PAMR1: variants seen among roughly 807,000 people sequenced by gnomAD.
PAMR1 encodes inactive serine protease PAMR1.
PAMR1 carries 88 observed loss-of-function variants against 81.8 expected under a neutral mutation model. The ratio of observed to expected loss-of-function variants is 1.08; its 90% CI spans 0.91 to 1.28. The LOEUF is 1.28. Ranked by LOEUF, PAMR1 falls within the 50% of genes most tolerant of loss-of-function variation. The pLI is 0.00. For synonymous variants in PAMR1, 336 were observed against 345.3 expected (o/e 0.97, Z 0.30); for missense variants, 935 against 919.7 (o/e 1.02, Z -0.21).
At chr11:35,520,357 C>G (rs1329839514) in intron 1 of PAMR1, among the ~76,000 whole-genome samples, 1 of 152,180 alleles carries the variant, frequency 6.6e-6, no homozygotes, top group Admixed American at 6.5e-5. Flanking sequence ...CAATTCTCTG[C>G]CTTCCTTGAG....
intron 2 of PAMR1, among the ~76,000 whole-genome samples, chr11:35,493,309 A>G (rs1850663697): frequency 6.6e-6 from 1 of 152,182 alleles, no homozygotes; most frequent in African/African-American, 2.4e-5. Context: ...AAATATCTTC[A>G]GTATATAGCC....
chr11:35,458,354 T>C (rs909968621), intron 6 of PAMR1, among the ~76,000 whole-genome samples: 4 of 152,218 alleles, frequency 2.6e-5, no homozygotes, highest in African/African-American at 9.6e-5. Context: ...AATTATTTTA[T>C]TTTACTTTAA....
chr11:35,439,255 G>T (rs1008089278), intron 8 of PAMR1, among the ~76,000 whole-genome samples: 1 of 152,168 alleles, frequency 6.6e-6, no homozygotes, highest in African/African-American at 2.4e-5. Context: ...CTAAATTATA[G>T]CTGACTGTGT....
chr11:35,514,089 C>G (rs1279279585), intron 1 of PAMR1, among the ~76,000 whole-genome samples: 1 of 152,216 alleles, frequency 6.6e-6, no homozygotes, highest in Non-Finnish European at 1.5e-5. Context: ...TCTGCCCCTC[C>G]TTTATGCTGC....
intron 1 of PAMR1, among the ~76,000 whole-genome samples, chr11:35,519,148 G>C (rs558296231): frequency 6.6e-6 from 1 of 152,268 alleles, no homozygotes; most frequent in East Asian, 1.9e-4. Flanking sequence ...AGCCAAGGGG[G>C]CCACTTCTTT....
At chr11:35,490,486 C>CT (rs1392178850) in intron 3 of PAMR1, among the ~76,000 whole-genome samples, 4 of 152,204 alleles carry the variant, frequency 2.6e-5, no homozygotes, top group Non-Finnish European at 5.9e-5. Flanking sequence ...CTATCTCAAA[C>CT]TATTATTGAA....
At chr11:35,464,185 C>T (rs114212150) in intron 6 of PAMR1, among the ~76,000 whole-genome samples, 114 of 152,248 alleles carry the variant, frequency 7.5e-4, no homozygotes, top group African/African-American at 2.7e-3. Flanking sequence ...CATTGCAGTG[C>T]TCTTCATAAT....
intron 1 of PAMR1, among the ~76,000 whole-genome samples, chr11:35,495,963 C>A (rs1850721013): frequency 6.6e-6 from 1 of 152,158 alleles, no homozygotes; most frequent in South Asian, 2.1e-4. Flanking sequence ...AAGATCCTTA[C>A]ATTGGTGTTT....
intron 6 of PAMR1, among the ~76,000 whole-genome samples, chr11:35,450,845 C>A (rs1856402035): frequency 6.6e-6 from 1 of 152,156 alleles, no homozygotes; most frequent in South Asian, 2.1e-4. Context: ...TAGAAGAGAG[C>A]CCTATTCTTC....
chr11:35,529,737 G>A (rs1383143193), upstream of PAMR1, among the ~76,000 whole-genome samples: 1 of 152,148 alleles, frequency 6.6e-6, no homozygotes, highest in East Asian at 1.9e-4. Flanking sequence ...TTGCTTCGGG[G>A]AGAATAAATC....
intron 1 of PAMR1, among the ~76,000 whole-genome samples, chr11:35,498,416 A>G (rs559187414): frequency 2.6e-5 from 4 of 152,276 alleles, no homozygotes; most frequent in African/African-American, 9.6e-5. Context: ...ATTTTCTCCA[A>G]TTTAGGCCTG....
At chr11:35,509,395 G>T (rs970285425) in intron 1 of PAMR1, among the ~76,000 whole-genome samples, 15 of 152,140 alleles carry the variant, frequency 9.9e-5, no homozygotes, top group Non-Finnish European at 1.5e-5. Flanking sequence ...TGGCCATTTG[G>T]CTTCAGCTGT....
intron 1 of PAMR1, among the ~76,000 whole-genome samples, chr11:35,521,112 C>T (rs1321251264): frequency 6.6e-6 from 1 of 152,232 alleles, no homozygotes; most frequent in African/African-American, 2.4e-5. Flanking sequence ...ATATAACACC[C>T]AGCCCTGTCT....
In PAMR1 at chr11:35,434,695, GTGTAGGC is replaced by G. The variant is rs749806723; in HGVS notation, c.1436_1442del (p.Ser479ThrfsTer7). ...TGCAGACTAGGAACCACGCTCCCTT[GTGTAGGC>G]TGCCGTCATGCACCCCGCTGGTCCT... On this transcript the variant is annotated frameshift_variant, in exon 10 of 11. Transcript: ENST00000619888. LOFTEE classifies it high-confidence loss of function. The G allele has an allele frequency of 1.5e-5, 25 of 1,614,204 alleles. No homozygotes were observed. Among genetic ancestry groups the G allele is most frequent in the Non-Finnish European group, 2.0e-5 (24 of 1,180,036 alleles).
At chr11:35,486,089 C>G (rs748759302) in intron 3 of PAMR1, among the ~76,000 whole-genome samples, 21 of 152,204 alleles carry the variant, frequency 1.4e-4, no homozygotes, top group Non-Finnish European at 2.6e-4. Context: ...AACCTAATAA[C>G]ATCATATTGA....
At chr11:35,492,649 G>A (rs1316566601) in intron 2 of PAMR1, among the ~76,000 whole-genome samples, 1 of 152,046 alleles carries the variant, frequency 6.6e-6, no homozygotes, top group Non-Finnish European at 1.5e-5. Flanking sequence ...CATTGTTTTT[G>A]TAACTTACTT....
chr11:35,513,380 G>A (rs1851107454), intron 1 of PAMR1: 1 of 152,192 alleles, frequency 6.6e-6, no homozygotes, highest in Admixed American at 6.5e-5. Flanking sequence ...CAAGTAGTAA[G>A]TAGCAGAGAC....
intron 1 of PAMR1, among the ~76,000 whole-genome samples, chr11:35,499,316 G>A (rs1389295148): frequency 3.3e-5 from 5 of 152,094 alleles, no homozygotes; most frequent in Non-Finnish European, 2.9e-5. Flanking sequence ...ATGTATGTTC[G>A]TTCCACTCTC....
intron 4 of PAMR1, among the ~76,000 whole-genome samples, chr11:35,471,932 A>G (rs992474706): frequency 2.1e-4 from 32 of 152,374 alleles, no homozygotes; most frequent in African/African-American, 7.2e-4. Context: ...GGGAGTAGGG[A>G]TATTTCTGCC....
Sources: gnomAD v4.1 joint callset for allele counts (sites outside exome capture counted in the v4.1 genomes callset) on GRCh38, gnomAD v4.1.1 for gene constraint, MANE v1.5 for transcripts, NCBI Gene and HGNC (gene_info 2026-07-23, HGNC 2026-07-21) for gene names.